DMD: variants seen among roughly 807,000 people sequenced by gnomAD.
The protein encoded by DMD is mutant dystrophin.
A neutral mutation model predicts 330.1 loss-of-function variants in DMD; 63 were observed. That is an observed-to-expected ratio of 0.19 (90% CI 0.16 to 0.24). DMD has a LOEUF of 0.24. Among genes scored for constraint, DMD ranks in the 10% least tolerant of loss-of-function variants. DMD has a pLI of 1.00. For missense variants in DMD, 3,344 were observed against 2,684.1 expected (o/e 1.25, Z -5.43); for synonymous variants, 1,223 against 959.8 (o/e 1.27, Z -5.07).
chrX:32,696,365 C>T (rs184687575), intron 9 of DMD, among the ~76,000 whole-genome samples: 4 of 112,078 alleles, frequency 3.6e-5, no homozygotes, highest in Non-Finnish European at 7.5e-5. Context: ...ATATCATTCC[C>T]CATCCCCCAT....
At chrX:31,814,036 T>G (rs1488699739) in intron 50 of DMD, among the ~76,000 whole-genome samples, 1 of 110,716 alleles carries the variant, frequency 9.0e-6, no homozygotes, top group African/African-American at 3.3e-5. Flanking sequence ...GCAGAAACAG[T>G]CTGTTGATCC....
intron 9 of DMD, among the ~76,000 whole-genome samples, chrX:32,677,131 CTA>C (rs2062026558): frequency 9.0e-6 from 1 of 110,946 alleles, no homozygotes; most frequent in Non-Finnish European, 1.9e-5. Flanking sequence ...TGAAAAGAGT[CTA>C]GTGTAAAATA....
chrX:32,887,351 A>T (rs868348886), intron 2 of DMD, among the ~76,000 whole-genome samples: 7 of 110,199 alleles, frequency 6.4e-5, no homozygotes, highest in African/African-American at 2.3e-4. Flanking sequence ...CATCTCAAAA[A>T]AAATAAATAA....
intron 2 of DMD, among the ~76,000 whole-genome samples, chrX:32,894,863 G>A (rs991095763): frequency 8.9e-6 from 1 of 112,239 alleles, no homozygotes; most frequent in Non-Finnish European, 1.9e-5. Context: ...GATGTCAACC[G>A]CAGGGACAAT....
chrX:31,183,927 T>G (rs2041451390), intron 67 of DMD, among the ~76,000 whole-genome samples: 1 of 106,962 alleles, frequency 9.3e-6, no homozygotes, highest in Non-Finnish European at 1.9e-5. Flanking sequence ...TTTTTTTTTT[T>G]GAGACTGACT....
chrX:32,714,592 A>G (rs892126636), intron 7 of DMD, among the ~76,000 whole-genome samples: 2 of 111,524 alleles, frequency 1.8e-5, no homozygotes, highest in Admixed American at 9.6e-5. Flanking sequence ...CGATTTTGCT[A>G]TTACGCATAG....
At position 32,815,514 on chromosome X, in the gene DMD, T is replaced by TACACACACACAC. The variant is rs761584148; in HGVS notation, c.530+953_530+954insGTGTGTGTGTGT. Reference sequence around the variant, plus strand: ...ACAAGCATATATATATATATATATATATATATACACACACACACACACATA... The same window carrying TACACACACACAC: ...ACAAGCATATATATATATATATATATACACACACACACATATATACACACACACACACACATA... On this transcript the variant is annotated intron_variant, in intron 6 of 78. Transcript: ENST00000357033. Among the ~76,000 whole-genome samples the TACACACACACAC allele has an allele frequency of 2.3e-3, 142 of 62,924 alleles. 1 individual carries two copies. The highest frequency in any genetic ancestry group is 8.8e-3 in the African/African-American group (136 of 15,391). 54.6% of individuals were successfully genotyped at this position (62,924 alleles called of 115,157 possible). A position where few individuals can be genotyped will look rare whatever the true frequency, so the allele number is the denominator to read the frequency against.
intron 49 of DMD, among the ~76,000 whole-genome samples, chrX:31,831,430 C>T (rs1321392301): frequency 8.9e-6 from 1 of 112,068 alleles, no homozygotes; most frequent in Non-Finnish European, 1.9e-5. Context: ...TTGACAATCT[C>T]ATCCATATTT....
rs756205599 is a variant in DMD, at chrX:32,875,990, T to C, written c.94-26170A>G. Among the ~76,000 whole-genome samples the C allele has an allele frequency of 2.7e-5, 3 of 111,914 alleles. No individual in the cohort carries two copies. In the South Asian group the frequency reaches 1.1e-3, roughly 42 times the overall value. The stretch of plus-strand genomic sequence containing the variant: ...AACCATTTTCTTTAGTTGTGGTATC[T>C]TGCCTATGATACTTTCTCACTGCTA... On this transcript the variant is annotated intron_variant, in intron 2 of 78. Coordinates refer to ENST00000357033, the MANE Select transcript of DMD (RefSeq NM_004006.3).
intron 51 of DMD, among the ~76,000 whole-genome samples, chrX:31,740,088 G>A (rs1027524653): frequency 2.7e-5 from 3 of 110,873 alleles, no homozygotes; most frequent in Non-Finnish European, 5.7e-5. Flanking sequence ...AAGCCAGTAA[G>A]TAAATAATGT....
intron 42 of DMD, among the ~76,000 whole-genome samples, chrX:32,308,952 C>T (rs2097550705): frequency 9.0e-6 from 1 of 111,119 alleles, no homozygotes; most frequent in South Asian, 3.7e-4. Flanking sequence ...GGCATGTCAG[C>T]TTTATTTTAT....
At chrX:32,492,644 T>TGCTATGGG (rs1203133702) in intron 19 of DMD, among the ~76,000 whole-genome samples, 2 of 112,243 alleles carry the variant, frequency 1.8e-5, no homozygotes, top group Non-Finnish European at 3.8e-5. Context: ...CATCACGCTG[T>TGCTATGGG]GCTATGGGTT....
At chrX:32,939,705 G>A (rs1394601528) in intron 2 of DMD, among the ~76,000 whole-genome samples, 1 of 111,241 alleles carries the variant, frequency 9.0e-6, no homozygotes, top group Non-Finnish European at 1.9e-5. Context: ...CTTCAGTAAA[G>A]TTTCAGGAAA....
intron 1 of DMD, among the ~76,000 whole-genome samples, chrX:33,163,552 G>GTATATATATATA (rs781153726): frequency 4.8e-4 from 44 of 91,002 alleles, no homozygotes; most frequent in African/African-American, 1.6e-3. Context: ...ATATATGTGT[G>GTATATATATATA]TATATATATA....
intron 7 of DMD, among the ~76,000 whole-genome samples, chrX:32,792,382 T>C (rs770563903): frequency 9.0e-6 from 1 of 110,914 alleles, no homozygotes; most frequent in East Asian, 2.8e-4. Flanking sequence ...CATCACACTA[T>C]AATGATAATG....
intron 9 of DMD, among the ~76,000 whole-genome samples, chrX:32,675,472 G>T (rs1266540100): frequency 9.0e-6 from 1 of 111,345 alleles, no homozygotes; most frequent in Non-Finnish European, 1.9e-5. Flanking sequence ...TTTTAAACCT[G>T]CCTGTATTTT....
intron 44 of DMD, among the ~76,000 whole-genome samples, chrX:32,002,451 A>C (rs1223064758): frequency 2.7e-5 from 3 of 111,616 alleles, no homozygotes; most frequent in African/African-American, 9.8e-5. Flanking sequence ...CTCCTCACCA[A>C]GGTTATGAAG....
intron 1 of DMD, among the ~76,000 whole-genome samples, chrX:33,235,031 A>G (rs1203058885): frequency 1.8e-5 from 2 of 111,827 alleles, no homozygotes; most frequent in Non-Finnish European, 3.8e-5. Flanking sequence ...TCACCCTTAT[A>G]GTCCCCACAA....
chrX:32,207,368 C>T (rs896061042), intron 44 of DMD, among the ~76,000 whole-genome samples: 9 of 111,242 alleles, frequency 8.1e-5, no homozygotes, highest in Non-Finnish European at 1.3e-4. Flanking sequence ...AGTAGGCCCT[C>T]GCCAGAGGCT....
Sources: allele counts gnomAD v4.1 joint callset (sites outside exome capture counted in the v4.1 genomes callset), GRCh38; gene constraint gnomAD v4.1.1; transcripts MANE v1.5; gene names NCBI Gene and HGNC (gene_info 2026-07-23, HGNC 2026-07-21).